ZNF516: variants seen among roughly 807,000 people sequenced by gnomAD.
The protein encoded by ZNF516 is zinc finger protein 516.
ZNF516 carries 19 observed loss-of-function variants against 79.7 expected under a neutral mutation model. That is an observed-to-expected ratio of 0.24 (90% CI 0.17 to 0.35). ZNF516 has a LOEUF of 0.35. Ranked by LOEUF, ZNF516 falls within the 10% of genes least tolerant of loss-of-function variation. The pLI, the probability that ZNF516 is intolerant of heterozygous loss-of-function variation, is 1.00. For synonymous variants in ZNF516, 877 were observed against 739.5 expected, an observed-to-expected ratio of 1.19 and a Z score of -3.02; for missense variants, 1,678 against 1,679.5, an observed-to-expected ratio of 1.00 and a Z score of 0.02.
rs554491302 is a variant in ZNF516 at position 76,361,652 on chromosome 18, T to TA, written c.*845dup. On this transcript the variant is annotated 3_prime_UTR_variant, in exon 7 of 7. Coordinates refer to ENST00000443185, the MANE Select transcript of ZNF516 (RefSeq NM_014643.4). ...TGGCTAAATAATTTGTTAAGACGTA[T>TA]AGTCTTCCTTTGTAAGCAGTTTGCA... 8.2e-4 allele frequency: 125 copies of TA among 152,368 alleles called. No homozygotes were observed. The highest frequency in any genetic ancestry group is 3.0e-3 in the African/African-American group (123 of 41,584). 9.4% of individuals were successfully genotyped at this position (152,368 alleles called of 1,614,324 possible). A position where few individuals can be genotyped will look rare whatever the true frequency, so the allele number is the denominator to read the frequency against.
intron 1 of ZNF516, among the ~76,000 whole-genome samples, chr18:76,465,775 G>C (rs1019762114): frequency 6.6e-6 from 1 of 152,188 alleles, no homozygotes; most frequent in African/African-American, 2.4e-5. Flanking sequence ...CCAGGACCTG[G>C]AGCTTATGGG....
intron 1 of ZNF516, among the ~76,000 whole-genome samples, chr18:76,489,747 C>A (rs1915051502): frequency 6.6e-6 from 1 of 152,112 alleles, no homozygotes; most frequent in African/African-American, 2.4e-5. Context: ...ATAGCAGACA[C>A]ATTTCTCAAA....
chr18:76,492,492 G>C (rs1488393790), intron 1 of ZNF516: 2 of 500,526 alleles, frequency 4.0e-6, no homozygotes, highest in Non-Finnish European at 5.2e-6. Flanking sequence ...ATTTGCCAGG[G>C]ACTAGGCATC....
Position 76,441,957 on chromosome 18 carries a change from G to A in ZNF516, c.1098C>T (p.Arg366=), listed in dbSNP as rs1480278362. The change falls in exon 3 of 7, where the codon CGC becomes CGT. Residue 366 remains arginine (R), a synonymous_variant. Coordinates refer to ENST00000443185, the MANE Select transcript of ZNF516 (RefSeq NM_014643.4). The part of the protein sequence containing the change: ...IHRRVEASRT[R]APAEEGAEGP... ...CCTCCGCCCCCTCCTCGGCCGGGGCGCGCGTGCGGCTGGCCTCGACTCTGC... is the reference window on the plus strand; with the variant it reads ...CCTCCGCCCCCTCCTCGGCCGGGGCACGCGTGCGGCTGGCCTCGACTCTGC... 9 of 1,612,198 alleles carry A rather than the reference G, an allele frequency of 5.6e-6. No individual in the cohort carries two copies. The highest frequency in any genetic ancestry group is 6.8e-6 in the Non-Finnish European group (8 of 1,179,592).
intron 1 of ZNF516, among the ~76,000 whole-genome samples, chr18:76,486,339 T>C (rs1914831288): frequency 6.6e-6 from 1 of 151,488 alleles, no homozygotes; most frequent in African/African-American, 2.4e-5. Context: ...TAGTACCATA[T>C]GGCAAAGACA....
chr18:76,410,216 G>A (rs2075358074), intron 3 of ZNF516, among the ~76,000 whole-genome samples: 1 of 152,228 alleles, frequency 6.6e-6, no homozygotes, highest in Non-Finnish European at 1.5e-5. Context: ...GGCAAGGACA[G>A]GGAAGTATGA....
At position 76,390,532 on chromosome 18, in the gene ZNF516, A is replaced by G. The variant is rs75967459; in HGVS notation, c.1811-10229T>C. On this transcript the variant is annotated intron_variant, in intron 3 of 6. Transcript: ENST00000443185. ...TGTCTCAGATGCATCCCAGCTCACC[A>G]AGGACCAGGGGATTCCAGGGAAGCA... Among the ~76,000 whole-genome samples, 670 of 152,260 alleles carry G rather than the reference A, an allele frequency of 4.4e-3. 4 individuals are homozygous for G. Among genetic ancestry groups the G allele is most frequent in the African/African-American group, 0.015 (640 of 41,558 alleles).
At chr18:76,480,460 T>C (rs1384932274) in intron 1 of ZNF516, among the ~76,000 whole-genome samples, 2 of 151,188 alleles carry the variant, frequency 1.3e-5, no homozygotes, top group African/African-American at 4.9e-5. Context: ...CTAAGGCTGG[T>C]TTTTACATAT....
intron 2 of ZNF516, among the ~76,000 whole-genome samples, chr18:76,462,027 C>A (rs1913144987): frequency 6.6e-6 from 1 of 152,246 alleles, no homozygotes; most frequent in Non-Finnish European, 1.5e-5. Context: ...TGGCTCCCAC[C>A]CTTCCCACAT....
At chr18:76,385,384 A>T (rs1182791387) in intron 3 of ZNF516, among the ~76,000 whole-genome samples, 1 of 152,192 alleles carries the variant, frequency 6.6e-6, no homozygotes, top group Non-Finnish European at 1.5e-5. Context: ...CATCTTCAAC[A>T]CACACAACCG....
intron 4 of ZNF516, among the ~76,000 whole-genome samples, chr18:76,372,105 G>A (rs954349097): frequency 2.6e-5 from 4 of 152,244 alleles, no homozygotes; most frequent in Admixed American, 1.3e-4. Context: ...GCCCCCAGAA[G>A]GGAGGGGACA....
chr18:76,442,180 T>C lies in ZNF516; in HGVS notation c.875A>G (p.Lys292Arg), dbSNP rs1911712248. 6.2e-7 allele frequency: 1 copy of C among 1,613,844 alleles called. No homozygotes were observed. The highest frequency in any genetic ancestry group is 8.5e-7 in the Non-Finnish European group (1 of 1,179,898). Reference protein sequence around the residue: ...GRRFKEPWFLKNHMKAHGPKT... With the variant: ...GRRFKEPWFLRNHMKAHGPKT... The stretch of plus-strand genomic sequence containing the variant: ...GGGGCCGTGCGCCTTCATGTGGTTC[T>C]TGAGGAACCAGGGCTCCTTGAACCT... The change falls in exon 3 of 7, where the codon AAG becomes AGG. Residue 292 changes from lysine to arginine, a missense_variant. This residue lies in a region of ZNF516 where 17 missense variants were observed against 51.8 expected (regional missense o/e 0.33). Transcript: ENST00000443185.
chr18:76,404,537 CAT>C (rs1422041150), intron 3 of ZNF516, among the ~76,000 whole-genome samples: 3 of 151,616 alleles, frequency 2.0e-5, no homozygotes, highest in East Asian at 3.9e-4. Flanking sequence ...TGTGTGTGAA[CAT>C]GTGTGAACGT....
chr18:76,435,500 C>T (rs898089940), intron 3 of ZNF516, among the ~76,000 whole-genome samples: 10 of 152,194 alleles, frequency 6.6e-5, no homozygotes, highest in Admixed American at 1.3e-4. Flanking sequence ...GAACAATCAC[C>T]GTCGTGTTCA....
At chr18:76,490,082 C>A (rs1599170695) in intron 1 of ZNF516, 1 of 763,002 alleles carries the variant, frequency 1.3e-6, no homozygotes, top group Non-Finnish European at 1.6e-6. Flanking sequence ...ATTAGACATG[C>A]TTGTGCCTTA....
In ZNF516 at chr18:76,363,554, G is replaced by C. The variant is rs143213897; in HGVS notation, c.3433-997C>G. The stretch of plus-strand genomic sequence containing the variant: ...TGGACAAAATTTTACGAGGGGTTAG[G>C]GGGTGGGCAAAGTGGTGGAGACAGC... On this transcript the variant is annotated intron_variant, in intron 6 of 6. Coordinates refer to ENST00000443185, the MANE Select transcript of ZNF516 (RefSeq NM_014643.4). Among the ~76,000 whole-genome samples the C allele has an allele frequency of 4.1e-3, 620 of 152,330 alleles. 8 individuals carry two copies. Among genetic ancestry groups the C allele is most frequent in the African/African-American group, 0.014 (580 of 41,560 alleles).
intron 1 of ZNF516, chr18:76,492,383 A>G (rs939485048): frequency 2.0e-6 from 2 of 984,326 alleles, no homozygotes; most frequent in African/African-American, 3.5e-5. Flanking sequence ...GTGCCCGTGA[A>G]TACGCCCATT....
At chr18:76,397,276 C>A (rs951064045) in intron 3 of ZNF516, among the ~76,000 whole-genome samples, 1 of 152,130 alleles carries the variant, frequency 6.6e-6, no homozygotes, top group Non-Finnish European at 1.5e-5. Context: ...TGCTGCCAAT[C>A]GTCCAGCTCA....
At chr18:76,363,250 T>A (rs972365949) in intron 6 of ZNF516, among the ~76,000 whole-genome samples, 5 of 152,244 alleles carry the variant, frequency 3.3e-5, no homozygotes, top group African/African-American at 1.2e-4. Flanking sequence ...GCCAGATTAA[T>A]CTTACTTAAC....
Sources: gnomAD v4.1 joint callset for allele counts (sites outside exome capture counted in the v4.1 genomes callset) on GRCh38, gnomAD v4.1.1 for gene constraint, gnomAD v4.1.1 regional missense constraint, MANE v1.5 for transcripts, NCBI Gene and HGNC (gene_info 2026-07-23, HGNC 2026-07-21) for gene names.